ANAPC10: variants seen among roughly 807,000 people sequenced by gnomAD.
ANAPC10 encodes the protein anaphase-promoting complex subunit 10.
In ANAPC10, 12 loss-of-function variants were observed where a neutral mutation model predicts 22.0. The ratio of observed to expected loss-of-function variants is 0.55; its 90% CI spans 0.35 to 0.88. The LOEUF (loss-of-function observed/expected upper bound fraction) is 0.88, where lower values mean the gene tolerates loss of function less well. ANAPC10 is among the 40% of genes least tolerant of loss of function. The pLI is 0.01. For missense variants in ANAPC10, 188 were observed against 220.9 expected, an observed-to-expected ratio of 0.85 and a Z score of 0.94; for synonymous variants, 65 against 69.5, an observed-to-expected ratio of 0.94 and a Z score of 0.32.
chr4:145,075,002 A>C (rs897118658), intron 3 of ANAPC10, among the ~76,000 whole-genome samples: 1 of 150,266 alleles, frequency 6.7e-6, no homozygotes, highest in African/African-American at 2.4e-5. Context: ...TTTTTTTTTT[A>C]TTATTGTTTG....
In ANAPC10 at chr4:145,095,968, TG is replaced by T. The variant is rs1248057612; in HGVS notation, c.115+16del. ...AAGTGACTATTTCCAACAGCTTTTT[TG>T]TTTGTTAGTTTTTACCTGGTTTGCA... On this transcript the variant is annotated intron_variant, in intron 2 of 4. Coordinates refer to ENST00000507656, the MANE Select transcript of ANAPC10 (RefSeq NM_001256706.2). The T allele has an allele frequency of 6.2e-7, 1 of 1,614,016 alleles. No homozygotes were observed. The highest frequency in any genetic ancestry group is 2.2e-5 in the East Asian group (1 of 44,868).
intron 3 of ANAPC10, among the ~76,000 whole-genome samples, chr4:145,075,311 T>G (rs1745035103): frequency 6.6e-6 from 1 of 152,214 alleles, no homozygotes; most frequent in Non-Finnish European, 1.5e-5. Context: ...GTGGATTAAA[T>G]GTAGAACTAT....
intron 4 of ANAPC10, among the ~76,000 whole-genome samples, chr4:145,000,464 T>C (rs1034686698): frequency 9.9e-5 from 15 of 152,158 alleles, no homozygotes; most frequent in Non-Finnish European, 1.0e-4. Context: ...TCATCACTGG[T>C]CATCAGAGAA....
intron 2 of ANAPC10, among the ~76,000 whole-genome samples, chr4:145,083,970 C>CTT (rs920595579): frequency 6.8e-6 from 1 of 146,482 alleles, no homozygotes. Flanking sequence ...TATTACAGAT[C>CTT]TTTTTTTTTT....
intron 4 of ANAPC10, among the ~76,000 whole-genome samples, chr4:145,004,272 A>T (rs547071019): frequency 3.5e-4 from 53 of 152,008 alleles, no homozygotes; most frequent in Admixed American, 6.6e-4. Context: ...TAGGTCTAGC[A>T]TCATATCATC....
At chr4:145,011,724 G>T (rs1399051226) in intron 4 of ANAPC10, among the ~76,000 whole-genome samples, 1 of 152,136 alleles carries the variant, frequency 6.6e-6, no homozygotes, top group African/African-American at 2.4e-5. Context: ...GACTTCAAGG[G>T]CTTCAAATAC....
intron 4 of ANAPC10, among the ~76,000 whole-genome samples, chr4:144,996,113 G>T (rs1175133579): frequency 6.6e-6 from 1 of 152,174 alleles, no homozygotes; most frequent in East Asian, 1.9e-4. Flanking sequence ...AGCTTGCCCA[G>T]GCAGGGAACT....
At chr4:145,038,537 T>C (rs1738970906) in intron 4 of ANAPC10, among the ~76,000 whole-genome samples, 2 of 150,248 alleles carry the variant, frequency 1.3e-5, no homozygotes, top group Non-Finnish European at 3.0e-5. Context: ...AGAAAAAAGC[T>C]AAGGCAGCCA....
chr4:145,016,716 A>G (rs1735217116), intron 4 of ANAPC10, among the ~76,000 whole-genome samples: 1 of 152,184 alleles, frequency 6.6e-6, no homozygotes, highest in Non-Finnish European at 1.5e-5. Flanking sequence ...CCTCACTTCA[A>G]ACTATACTAC....
At chr4:145,062,649 T>C (rs1158828184) in intron 4 of ANAPC10, among the ~76,000 whole-genome samples, 1 of 151,966 alleles carries the variant, frequency 6.6e-6, no homozygotes, top group African/African-American at 2.4e-5. Context: ...TAATTGTCTA[T>C]AACAAGACCA....
chr4:145,084,194 T>C lies in ANAPC10; in HGVS notation c.116-2444A>G, dbSNP rs867047951. 5.3e-5 allele frequency among the ~76,000 whole-genome samples: 8 copies of C among 152,346 alleles called. 1 individual carries two copies. Among genetic ancestry groups the C allele is most frequent in the African/African-American group, 1.2e-4 (5 of 41,584 alleles). On this transcript the variant is annotated intron_variant, in intron 2 of 4. Coordinates refer to ENST00000507656, the MANE Select transcript of ANAPC10 (RefSeq NM_001256706.2). ...CGTAATCCAAACATGAATGGATTTGTATCTTAAATTTGCATCTGCTGCCTT... is the reference window on the plus strand; with the variant it reads ...CGTAATCCAAACATGAATGGATTTGCATCTTAAATTTGCATCTGCTGCCTT...
At chr4:145,063,768 A>T (rs915887262) in intron 4 of ANAPC10, among the ~76,000 whole-genome samples, 1 of 152,144 alleles carries the variant, frequency 6.6e-6, no homozygotes, top group African/African-American at 2.4e-5. Flanking sequence ...ACAGTGAAAT[A>T]CAACTCAGAA....
intron 4 of ANAPC10, among the ~76,000 whole-genome samples, chr4:145,008,590 T>C (rs949074757): frequency 2.0e-5 from 3 of 152,160 alleles, no homozygotes; most frequent in Non-Finnish European, 2.9e-5. Context: ...AAAAACCACA[T>C]GATTTTCTCA....
At chr4:145,052,762 C>T (rs1341669295) in intron 4 of ANAPC10, among the ~76,000 whole-genome samples, 2 of 151,864 alleles carry the variant, frequency 1.3e-5, no homozygotes, top group Non-Finnish European at 2.9e-5. Flanking sequence ...GTGGTGCACA[C>T]CTGTAATCCC....
At chr4:145,092,448 G>T (rs897728870) in intron 2 of ANAPC10, among the ~76,000 whole-genome samples, 4 of 152,156 alleles carry the variant, frequency 2.6e-5, no homozygotes, top group African/African-American at 7.2e-5. Flanking sequence ...GAGAAAAAAA[G>T]ATTACAGATT....
chr4:145,073,822 A>T (rs188835818), intron 3 of ANAPC10, among the ~76,000 whole-genome samples: 52 of 152,184 alleles, frequency 3.4e-4, no homozygotes, highest in African/African-American at 1.0e-3. Context: ...TAATATAATT[A>T]AAAATGTTGT....
At chr4:145,033,731 T>C (rs1737991609) in intron 4 of ANAPC10, among the ~76,000 whole-genome samples, 1 of 152,200 alleles carries the variant, frequency 6.6e-6, no homozygotes, top group Admixed American at 6.5e-5. Flanking sequence ...GATGAGGTGC[T>C]TGCTGAAGGC....
intron 3 of ANAPC10, among the ~76,000 whole-genome samples, chr4:145,075,227 AAT>A (rs1213248117): frequency 6.6e-6 from 1 of 152,188 alleles, no homozygotes; most frequent in Admixed American, 6.5e-5. Flanking sequence ...AAACTGCTTA[AAT>A]ATCTTTCACA....
At chr4:145,073,694 A>G (rs1744806275) in intron 3 of ANAPC10, among the ~76,000 whole-genome samples, 1 of 152,228 alleles carries the variant, frequency 6.6e-6, no homozygotes, top group South Asian at 2.1e-4. Flanking sequence ...TTTCATTATT[A>G]AACTATCAAA....
Sources: allele counts gnomAD v4.1 joint callset (sites outside exome capture counted in the v4.1 genomes callset), GRCh38; gene constraint gnomAD v4.1.1; transcripts MANE v1.5; gene names NCBI Gene and HGNC (gene_info 2026-07-23, HGNC 2026-07-21).